DPF3: variants seen among roughly 807,000 people sequenced by gnomAD.
DPF3 encodes zinc finger protein DPF3.
DPF3 carries 18 observed loss-of-function variants against 56.8 expected under a neutral mutation model. That is an observed-to-expected ratio of 0.32 (90% CI 0.22 to 0.47). The LOEUF is 0.47. Among genes scored for constraint, DPF3 ranks in the 20% least tolerant of loss-of-function variants. The pLI is 1.00. For missense variants in DPF3, 403 were observed against 488.8 expected, an observed-to-expected ratio of 0.82 and a Z score of 1.65; for synonymous variants, 188 against 180.2, an observed-to-expected ratio of 1.04 and a Z score of -0.35.
chr14:72,731,481 G>A (rs894657484), intron 4 of DPF3: 1 of 244,876 alleles, frequency 4.1e-6, no homozygotes. Flanking sequence ...TTGGTTCCAT[G>A]GGGACAAGGA....
At chr14:72,713,902 T>G (rs1253565465) in intron 6 of DPF3, among the ~76,000 whole-genome samples, 1 of 152,154 alleles carries the variant, frequency 6.6e-6, no homozygotes, top group Admixed American at 6.5e-5. Context: ...AGGCTGGAGA[T>G]AGATTGAGGG....
chr14:72,759,508 AAGAG>A lies in DPF3; in HGVS notation c.194-6141_194-6138del, dbSNP rs34502740. On this transcript the variant is annotated intron_variant, in intron 2 of 10. Transcript: ENST00000556509. ...ACATAGTAAGATCCTGTCTCCACAA[AAGAG>A]AGAGAGAGAGAGAGAGATGAAAGAG... Among the ~76,000 whole-genome samples the A allele has an allele frequency of 1.4e-3, 208 of 147,654 alleles. 1 individual carries two copies. Among genetic ancestry groups the A allele is most frequent in the Middle Eastern group, 6.9e-3 (2 of 290 alleles).
chr14:72,662,735 G>C, intron 8 of DPF3: 5 of 986,336 alleles, frequency 5.1e-6, no homozygotes, highest in Non-Finnish European at 6.0e-6. Flanking sequence ...AGGAAGAAGA[G>C]GAGGAGGAGG....
In DPF3 at chr14:72,680,204, G is replaced by A. The variant is rs541939400; in HGVS notation, c.743-5836C>T. ...GGCCTTAATTCTCATGCTCCCACTC[G>A]CTGGTCGTGTTTACTCATATAAATT... On this transcript the variant is annotated intron_variant, in intron 7 of 10. Transcript: ENST00000556509. Among the ~76,000 whole-genome samples, 20 of 152,310 alleles carry A rather than the reference G, an allele frequency of 1.3e-4. No individual in the cohort carries two copies. In the East Asian group the frequency reaches 3.5e-3, roughly 26 times the overall value.
intron 6 of DPF3, among the ~76,000 whole-genome samples, chr14:72,701,848 C>T (rs1888176903): frequency 6.6e-6 from 1 of 152,174 alleles, no homozygotes; most frequent in African/African-American, 2.4e-5. Context: ...CCGGCTCTGC[C>T]CCGTGGCACT....
intron 8 of DPF3, among the ~76,000 whole-genome samples, chr14:72,643,400 G>A (rs1382185291): frequency 6.6e-6 from 1 of 152,216 alleles, no homozygotes; most frequent in African/African-American, 2.4e-5. Flanking sequence ...GCTTACATGA[G>A]GCAGAGGACT....
At chr14:72,712,859 C>T (rs772062928) in intron 6 of DPF3, among the ~76,000 whole-genome samples, 10 of 152,174 alleles carry the variant, frequency 6.6e-5, no homozygotes, top group Admixed American at 1.3e-4. Context: ...TGGGTGACAA[C>T]GCAAGAGCGT....
chr14:72,616,372 A>G lies in DPF3; in HGVS notation c.*2925T>C, dbSNP rs1779187773. 6.6e-6 allele frequency among the ~76,000 whole-genome samples: 1 copy of G among 152,072 alleles called. No homozygotes were observed. Among genetic ancestry groups the G allele is most frequent in the African/African-American group, 2.4e-5 (1 of 41,400 alleles). On this transcript the variant is annotated 3_prime_UTR_variant, in exon 11 of 11. Coordinates refer to ENST00000556509, the MANE Select transcript of DPF3 (RefSeq NM_001280542.3). ...CCTTCATTTTAAAGTCCCCAACCCC[A>G]TGTACATCCCTCACCTCCACCCCAC...
At chr14:72,729,466 C>T (rs1889543893) in intron 4 of DPF3, among the ~76,000 whole-genome samples, 2 of 151,842 alleles carry the variant, frequency 1.3e-5, no homozygotes, top group Admixed American at 1.3e-4. Context: ...GTGAGAAGGC[C>T]CTGAATTTCA....
At chr14:72,645,838 T>A (rs1211233205) in intron 8 of DPF3, among the ~76,000 whole-genome samples, 1 of 151,988 alleles carries the variant, frequency 6.6e-6, no homozygotes, top group African/African-American at 2.4e-5. Context: ...CTTGCACTTT[T>A]GCACACAAAG....
intron 6 of DPF3, among the ~76,000 whole-genome samples, chr14:72,697,666 G>T (rs1887963238): frequency 1.3e-5 from 2 of 152,192 alleles, no homozygotes; most frequent in Admixed American, 6.5e-5. Flanking sequence ...AGACTGACAT[G>T]TTAGAAATAC....
intron 1 of DPF3, among the ~76,000 whole-genome samples, chr14:72,781,227 C>A (rs966398280): frequency 4.6e-5 from 7 of 152,224 alleles, no homozygotes; most frequent in Non-Finnish European, 1.0e-4. Flanking sequence ...CCTGGCAGCA[C>A]TAACCTGCAG....
chr14:72,891,471 A>G (rs992551475), intron 1 of DPF3, among the ~76,000 whole-genome samples: 1 of 152,022 alleles, frequency 6.6e-6, no homozygotes, highest in Non-Finnish European at 1.5e-5. Context: ...CACCACCACC[A>G]TCCCTTCGGC....
At chr14:72,731,467 A>ACT (rs969288405) in intron 4 of DPF3, 33 of 226,194 alleles carry the variant, frequency 1.5e-4, no homozygotes, top group African/African-American at 7.1e-4. Flanking sequence ...TAGACAATGG[A>ACT]CTCTTGGTTC....
rs1006066631 is a variant in DPF3 at position 72,616,623 on chromosome 14, C to G, written c.*2674G>C. On this transcript the variant is annotated 3_prime_UTR_variant, in exon 11 of 11. Transcript: ENST00000556509. ...CAGTGTCACTCTGGAATAGGCAGGG[C>G]AAGTGTTACTATCTCCACTTTCCAG... is the stretch of plus-strand genomic sequence containing the variant. Among the ~76,000 whole-genome samples, 1 of 152,160 alleles carries G rather than the reference C, an allele frequency of 6.6e-6. No individual in the cohort carries two copies. The highest frequency in any genetic ancestry group is 1.5e-5 in the Non-Finnish European group (1 of 68,042).
intron 3 of DPF3, among the ~76,000 whole-genome samples, chr14:72,735,129 G>C (rs114696727): frequency 0.011 from 1,630 of 152,224 alleles, 28 homozygotes; most frequent in African/African-American, 0.037. Flanking sequence ...CTGTCTCTCT[G>C]TGGTCCTTCC....
chr14:72,770,111 C>T (rs945822989), intron 2 of DPF3, among the ~76,000 whole-genome samples: 2 of 152,112 alleles, frequency 1.3e-5, no homozygotes, highest in Non-Finnish European at 2.9e-5. Context: ...CTGCTAACAT[C>T]AGTAAAAGAG....
chr14:72,652,363 C>T (rs1282311745), intron 8 of DPF3, among the ~76,000 whole-genome samples: 1 of 152,188 alleles, frequency 6.6e-6, no homozygotes, highest in Non-Finnish European at 1.5e-5. Context: ...TAATTTCCCT[C>T]CTCCCATTTT....
intron 1 of DPF3, among the ~76,000 whole-genome samples, chr14:72,854,403 T>C (rs1885101873): frequency 6.6e-6 from 1 of 152,152 alleles, no homozygotes; most frequent in African/African-American, 2.4e-5. Flanking sequence ...TTTATTCTCT[T>C]AAAGAATGAA....
Sources: gnomAD v4.1 joint callset for allele counts (sites outside exome capture counted in the v4.1 genomes callset) on GRCh38, gnomAD v4.1.1 for gene constraint, MANE v1.5 for transcripts, NCBI Gene and HGNC (gene_info 2026-07-23, HGNC 2026-07-21) for gene names.